TRIM66: variants seen among roughly 807,000 people sequenced by gnomAD.
TRIM66 encodes tripartite motif-containing protein 66.
TRIM66 carries 99 observed loss-of-function variants against 148.2 expected under a neutral mutation model. The observed-to-expected ratio is 0.67, with a 90% confidence interval of 0.57 to 0.79. TRIM66 has a LOEUF of 0.79. TRIM66 is among the 30% of genes least tolerant of loss of function. The probability of loss-of-function intolerance (pLI) is 0.00; values close to 1 mark genes in which losing one functional copy is unlikely to be tolerated. For missense variants in TRIM66, 1,666 were observed against 1,697.9 expected (o/e 0.98, Z 0.33); for synonymous variants, 616 against 635.9 (o/e 0.97, Z 0.47).
chr11:8,670,861 G>A (rs2038893479), intron 6 of TRIM66, among the ~76,000 whole-genome samples: 1 of 152,108 alleles, frequency 6.6e-6, no homozygotes, highest in Admixed American at 6.6e-5. Flanking sequence ...GGGTTCAGAG[G>A]GCTTAAATAT....
intron 22 of TRIM66, 35 bp from the exon 23 acceptor site, chr11:8,619,570 G>C: frequency 2.7e-6 from 4 of 1,488,566 alleles, no homozygotes; most frequent in Non-Finnish European, 3.6e-6. Flanking sequence ...AGGAGGCAAA[G>C]GGAGTGAGAG....
chr11:8,667,982 C>A (rs2038705195), intron 6 of TRIM66, among the ~76,000 whole-genome samples: 1 of 152,204 alleles, frequency 6.6e-6, no homozygotes, highest in Non-Finnish European at 1.5e-5. Flanking sequence ...TTCTGAGGAA[C>A]TGCCATATTT....
intron 6 of TRIM66, among the ~76,000 whole-genome samples, chr11:8,669,642 C>CA (rs112240789): frequency 2.2e-3 from 268 of 120,386 alleles, no homozygotes; most frequent in South Asian, 3.2e-3. Context: ...GACCCTGTCT[C>CA]AAAAAAAAAA....
chr11:8,666,355 A>AG (rs769877134), intron 6 of TRIM66, among the ~76,000 whole-genome samples: 4,983 of 143,056 alleles, frequency 0.035, 126 homozygotes, highest in Non-Finnish European at 0.053. Context: ...AAAAAAAAAA[A>AG]AAAAAAAAAA....
rs757541529 is a variant in TRIM66 at position 8,649,692 on chromosome 11, G to A, written c.592+48C>T. On this transcript the variant is annotated intron_variant, in intron 8 of 24. Coordinates refer to ENST00000646038, the MANE Select transcript of TRIM66 (RefSeq NM_001388022.1). Reference sequence around the variant, plus strand: ...TATTCTCCAGGGATCTTAGGGTTCAGCCCTGCTTTAGGGCATGGGAGTGGG... The same window carrying A: ...TATTCTCCAGGGATCTTAGGGTTCAACCCTGCTTTAGGGCATGGGAGTGGG... The A allele has an allele frequency of 5.8e-6, 9 of 1,543,020 alleles. No homozygotes were observed. In the East Asian group the frequency reaches 1.2e-4, roughly 21 times the overall value.
intron 15 of TRIM66, among the ~76,000 whole-genome samples, chr11:8,634,226 C>T (rs919372859): frequency 3.9e-5 from 6 of 152,178 alleles, no homozygotes; most frequent in African/African-American, 1.4e-4. Context: ...AGTGCAGTGG[C>T]GCAATCTCGG....
intron 15 of TRIM66, among the ~76,000 whole-genome samples, chr11:8,638,441 C>T (rs1274381992): frequency 6.6e-6 from 1 of 152,134 alleles, no homozygotes; most frequent in East Asian, 1.9e-4. Flanking sequence ...CCCAGGAGGT[C>T]CCATTTTAAG....
chr11:8,623,825 C>A (rs1365770579), intron 17 of TRIM66, among the ~76,000 whole-genome samples: 1 of 152,118 alleles, frequency 6.6e-6, no homozygotes, highest in East Asian at 1.9e-4. Context: ...GTGTCAGGTA[C>A]CAGGAAAATC....
In TRIM66 at chr11:8,619,109, C is replaced by T. The variant is rs887584942; in HGVS notation, c.3901-141G>A. On this transcript the variant is annotated intron_variant, in intron 23 of 24. Coordinates refer to ENST00000646038, the MANE Select transcript of TRIM66 (RefSeq NM_001388022.1). The stretch of plus-strand genomic sequence containing the variant: ...AACTTGACATTTTTCTCCTAGGACT[C>T]AGGAAAACTAGTTTGGTAGCAGCTC... 1.6e-5 allele frequency: 13 copies of T among 825,966 alleles called. No individual in the cohort carries two copies. The African/African-American group carries it at 2.1e-4, about 13-fold the overall frequency. 51.2% of individuals were successfully genotyped at this position (825,966 alleles called of 1,614,324 possible).
intron 8 of TRIM66, 32 bp from the exon 9 acceptor site, chr11:8,648,580 C>T (rs1382259986): frequency 6.4e-7 from 1 of 1,550,484 alleles, no homozygotes; most frequent in Admixed American, 2.0e-5. Flanking sequence ...GTGAGCTTCT[C>T]TTGCTCAGGT....
chr11:8,675,645 G>C (rs1222616482), intron 3 of TRIM66, among the ~76,000 whole-genome samples: 1 of 152,196 alleles, frequency 6.6e-6, no homozygotes, highest in African/African-American at 2.4e-5. Context: ...GCCTCCCAAA[G>C]TGCTGGGATT....
chr11:8,637,414 T>G (rs1193144774), intron 15 of TRIM66, among the ~76,000 whole-genome samples: 3 of 151,914 alleles, frequency 2.0e-5, no homozygotes, highest in Non-Finnish European at 4.4e-5. Context: ...TACAAGAAGT[T>G]AAACATCTAA....
chr11:8,636,151 C>T (rs1185173891), intron 15 of TRIM66, among the ~76,000 whole-genome samples: 1 of 152,060 alleles, frequency 6.6e-6, no homozygotes, highest in Non-Finnish European at 1.5e-5. Flanking sequence ...TCCATCAATC[C>T]CACTCCTGTG....
chr11:8,619,593 T>G (rs2034004318), intron 22 of TRIM66, 58 bp from the exon 23 acceptor site: 1 of 1,412,792 alleles, frequency 7.1e-7, no homozygotes, highest in South Asian at 1.6e-5. Context: ...GAAATGGAGG[T>G]GTGGATAAGA....
At chr11:8,641,214 C>G in intron 13 of TRIM66, 62 bp from the exon 14 acceptor site, 1 of 1,421,408 alleles carries the variant, frequency 7.0e-7, no homozygotes. Flanking sequence ...CTTGCTACTT[C>G]CTGCTCCTGG....
At chr11:8,658,224 A>G (rs547553943) in intron 6 of TRIM66, among the ~76,000 whole-genome samples, 66 of 152,206 alleles carry the variant, frequency 4.3e-4, no homozygotes, top group African/African-American at 1.6e-3. Flanking sequence ...CTCTGCAGCA[A>G]TTTTCCCAAA....
In TRIM66 at chr11:8,623,854, T is replaced by A. The variant is rs189336683; in HGVS notation, c.3019+505A>T. ...GAAAATCCTTACTACTCAGAGGAAG[T>A]TATCAAATGATTTCACTATAGTTAC... On this transcript the variant is annotated intron_variant, in intron 17 of 24. Coordinates refer to ENST00000646038, the MANE Select transcript of TRIM66 (RefSeq NM_001388022.1). Among the ~76,000 whole-genome samples, 576 of 152,250 alleles carry A rather than the reference T, an allele frequency of 3.8e-3. 3 individuals are homozygous for A. The highest frequency in any genetic ancestry group is 0.013 in the African/African-American group (558 of 41,548).
intron 3 of TRIM66, among the ~76,000 whole-genome samples, chr11:8,678,508 G>A (rs1291853423): frequency 6.6e-6 from 1 of 152,102 alleles, no homozygotes; most frequent in Non-Finnish European, 1.5e-5. Context: ...ATCACAGGGT[G>A]GAATGATTTG....
At chr11:8,644,414 CT>C (rs1210477279) in intron 12 of TRIM66, 1 of 454,286 alleles carries the variant, frequency 2.2e-6, no homozygotes, top group South Asian at 1.6e-5. Flanking sequence ...TGTTTTAACC[CT>C]CTTATTATCA....
Sources: gnomAD v4.1 joint callset for allele counts (sites outside exome capture counted in the v4.1 genomes callset) on GRCh38, gnomAD v4.1.1 for gene constraint, MANE v1.5 for transcripts, NCBI Gene and HGNC (gene_info 2026-07-23, HGNC 2026-07-21) for gene names.